The following COG2 variants were observed in gnomAD, a reference collection of about 807,000 sequenced individuals.
The protein encoded by COG2 is component of oligomeric golgi complex 2.
In COG2, 52 loss-of-function variants were observed where a neutral mutation model predicts 90.6. The ratio of observed to expected loss-of-function variants is 0.57; its 90% CI spans 0.46 to 0.72. The LOEUF (loss-of-function observed/expected upper bound fraction) is 0.72, where lower values mean the gene tolerates loss of function less well. Ranked by LOEUF, COG2 falls within the 30% of genes least tolerant of loss-of-function variation. COG2 has a pLI of 0.00. For missense variants in COG2, 829 were observed against 891.2 expected (o/e 0.93, Z 0.89); for synonymous variants, 337 against 320.4 (o/e 1.05, Z -0.55).
chr1:230,688,523 C>T lies in COG2; in HGVS notation c.1755C>T (p.Ser585=), dbSNP rs557988820. ...LSDSCFGFLK[S]ALEVPRLYRR... ...ACTCTTGCTTCGGTTTCCTAAAAAGCGCCCTGGAGGTTCCCAGGCTTTACC... is the reference window on the plus strand; with the variant it reads ...ACTCTTGCTTCGGTTTCCTAAAAAGTGCCCTGGAGGTTCCCAGGCTTTACC... The change falls in exon 15 of 18, where the codon AGC becomes AGT. Residue 585 remains serine, a synonymous_variant. Transcript: ENST00000366669. 246 of 1,614,096 alleles carry T rather than the reference C, an allele frequency of 1.5e-4. No individual in the cohort carries two copies. The highest frequency in any genetic ancestry group is 3.4e-4 in the South Asian group (31 of 91,070).
intron 1 of COG2, among the ~76,000 whole-genome samples, chr1:230,643,952 C>T (rs547359004): frequency 6.6e-6 from 1 of 152,256 alleles, no homozygotes; most frequent in African/African-American, 2.4e-5. Flanking sequence ...AAAGGCCATA[C>T]ACGGAGATCA....
intron 1 of COG2, among the ~76,000 whole-genome samples, chr1:230,651,535 C>T (rs1661914323): frequency 6.6e-6 from 1 of 152,140 alleles, no homozygotes; most frequent in Non-Finnish European, 1.5e-5. Context: ...TTTTCCACAG[C>T]TGGTTTGTTT....
At chr1:230,688,697 GTATT>G in intron 15 of COG2, 135 bp downstream of exon 15, 2 of 1,008,188 alleles carry the variant, frequency 2.0e-6, no homozygotes, top group Non-Finnish European at 3.0e-6. Context: ...TCTGAGAATG[GTATT>G]GATGAAGAGA....
chr1:230,678,292 A>G, intron 9 of COG2: 2 of 985,376 alleles, frequency 2.0e-6, no homozygotes, highest in Non-Finnish European at 2.4e-6. Flanking sequence ...AAGAAGCATC[A>G]TTTGTAAAAT....
At chr1:230,676,479 C>CA (rs746007996) in intron 9 of COG2, among the ~76,000 whole-genome samples, 6 of 152,194 alleles carry the variant, frequency 3.9e-5, no homozygotes, top group Non-Finnish European at 7.3e-5. Context: ...AACACATTAA[C>CA]ACCAACCATC....
At chr1:230,650,090 A>G (rs1471590252) in intron 1 of COG2, among the ~76,000 whole-genome samples, 1 of 152,210 alleles carries the variant, frequency 6.6e-6, no homozygotes, top group Non-Finnish European at 1.5e-5. Context: ...TGTGGTATAA[A>G]TGCACCACAT....
intron 14 of COG2, 59 bp from the exon 15 acceptor site, chr1:230,688,361 A>T: frequency 3.1e-6 from 5 of 1,593,698 alleles, no homozygotes; most frequent in Non-Finnish European, 3.4e-6. Context: ...CAGTATTTCA[A>T]ATGAAGTTCA....
intron 16 of COG2, 192 bp downstream of exon 16, chr1:230,690,345 G>A (rs1254427097): frequency 6.1e-6 from 3 of 491,678 alleles, no homozygotes; most frequent in East Asian, 7.2e-5. Flanking sequence ...CCTGTGGGCT[G>A]GCTTCCTCTG....
Position 230,679,148 on chromosome 1 carries a change from C to G in COG2, c.1166+96C>G, listed in dbSNP as rs1662671650. ...TGCCTCAGTTAGCGGCTCCTTTTCT[C>G]TGATCATCATAATAAGCTTTGGGAG... is the stretch of plus-strand genomic sequence containing the variant. On this transcript the variant is annotated intron_variant, in intron 10 of 17. Coordinates refer to ENST00000366669, the MANE Select transcript of COG2 (RefSeq NM_007357.3). The G allele has an allele frequency of 9.2e-6, 11 of 1,197,184 alleles. No homozygotes were observed. The South Asian group carries it at 1.0e-4, about 11-fold the overall frequency. The allele number at this position is 1,197,184 out of a possible 1,614,324, so 74.2% of individuals were successfully genotyped here. A position where few individuals can be genotyped will look rare whatever the true frequency, so the allele number is the denominator to read the frequency against.
In COG2 at chr1:230,693,323, TAAA is replaced by T; in HGVS notation, c.2150_2152del (p.Lys717del). On this transcript the variant is annotated inframe_deletion, in exon 18 of 18. Transcript: ENST00000366669. ...AAGTTGGGACTACAAGCAAGTGACA[TAAA>T]AAGCTTCTCAGCTCTCGCAGAGCTT... 2 of 1,613,720 alleles carry T rather than the reference TAAA, an allele frequency of 1.2e-6. No individual in the cohort carries two copies. Among genetic ancestry groups the T allele is most frequent in the Non-Finnish European group, 1.7e-6 (2 of 1,179,736 alleles).
intron 1 of COG2, among the ~76,000 whole-genome samples, chr1:230,654,279 GTTGATTTT>G (rs1661995008): frequency 6.6e-6 from 1 of 152,080 alleles, no homozygotes; most frequent in African/African-American, 2.4e-5. Flanking sequence ...TCCATCTTGA[GTTGATTTT>G]TGTACAAGGT....
Position 230,675,081 on chromosome 1 carries a change from T to C in COG2, c.983T>C (p.Leu328Ser). ...PQIVQGLEEK[L>S]PSLFNPGNPD... ...ATAGTACAAGGATTAGAAGAAAAGT[T>C]ACCCTCGCTTTTTAATCCTGGGAAT... is the stretch of plus-strand genomic sequence containing the variant. The change falls in exon 9 of 18, where the codon TTA (leucine) becomes TCA (serine). Residue 328 changes from leucine (L) to serine (S), a missense_variant. Leu to Ser is a moderately radical substitution (Grantham distance 145). Coordinates refer to ENST00000366669, the MANE Select transcript of COG2 (RefSeq NM_007357.3). 1 of 1,612,858 alleles carries C rather than the reference T, an allele frequency of 6.2e-7. No individual in the cohort carries two copies. Among genetic ancestry groups the C allele is most frequent in the Non-Finnish European group, 8.5e-7 (1 of 1,179,408 alleles).
At chr1:230,665,259 CTG>C (rs1456149395) in intron 5 of COG2, among the ~76,000 whole-genome samples, 1 of 152,156 alleles carries the variant, frequency 6.6e-6, no homozygotes, top group African/African-American at 2.4e-5. Context: ...TTACTTCACT[CTG>C]TGTCTTGGTG....
At chr1:230,684,990 T>G (rs946428834) in intron 11 of COG2, 95 bp from the exon 12 acceptor site, 2 of 1,424,166 alleles carry the variant, frequency 1.4e-6, no homozygotes, top group Non-Finnish European at 1.9e-6. Flanking sequence ...CCATTTTCTT[T>G]ACCTTTGAAT....
intron 10 of COG2, chr1:230,682,025 A>G (rs543835128): frequency 6.6e-6 from 1 of 152,202 alleles, no homozygotes; most frequent in South Asian, 2.1e-4. Flanking sequence ...ATGTCTTTGG[A>G]TAGTACTAAA....
At chr1:230,649,424 C>G (rs994720726) in intron 1 of COG2, among the ~76,000 whole-genome samples, 2 of 152,194 alleles carry the variant, frequency 1.3e-5, no homozygotes, top group African/African-American at 4.8e-5. Context: ...CACAGTCTTT[C>G]CCATGGCTGT....
At chr1:230,678,217 G>A (rs1571958023) in intron 9 of COG2, 2 of 985,390 alleles carry the variant, frequency 2.0e-6, no homozygotes, top group East Asian at 1.1e-4. Flanking sequence ...TGACTGACTA[G>A]CATTCTGCTT....
chr1:230,662,679 T>G (rs1375076435), intron 3 of COG2, among the ~76,000 whole-genome samples: 2 of 152,190 alleles, frequency 1.3e-5, no homozygotes, highest in Non-Finnish European at 2.9e-5. Context: ...TATTTCTACT[T>G]TTGTCCAAAT....
rs748137002 is a variant in COG2 at position 230,664,514 on chromosome 1, C to G, written c.412C>G (p.Arg138Gly). 2 of 1,563,580 alleles carry G rather than the reference C, an allele frequency of 1.3e-6. No homozygotes were observed. Among genetic ancestry groups the G allele is most frequent in the African/African-American group, 2.7e-5 (2 of 72,888 alleles). The change falls in exon 5 of 18, where the codon CGG becomes GGG. Residue 138 changes from arginine to glycine, a missense_variant. Coordinates refer to ENST00000366669, the MANE Select transcript of COG2 (RefSeq NM_007357.3). Reference protein sequence around the residue: ...MCVLRLIQVIRSVEKIEKILN... With the variant: ...MCVLRLIQVIGSVEKIEKILN... The stretch of plus-strand genomic sequence containing the variant: ...TGTATTGAGGCTTATACAAGTTATT[C>G]GGTCAGTTGAGAAAATTGAAAAAAT...
Sources: allele counts gnomAD v4.1 joint callset (sites outside exome capture counted in the v4.1 genomes callset), GRCh38; gene constraint gnomAD v4.1.1; transcripts MANE v1.5; gene names NCBI Gene and HGNC (gene_info 2026-07-23, HGNC 2026-07-21).